The following TNRC6B variants were observed in gnomAD, a reference collection of about 807,000 sequenced individuals.
TNRC6B encodes the protein trinucleotide repeat containing adaptor 6B.
A neutral mutation model predicts 203.6 loss-of-function variants in TNRC6B; 52 were observed. The observed-to-expected ratio is 0.26, with a 90% CI of 0.20 to 0.32. The LOEUF is 0.32. Among genes scored for constraint, TNRC6B ranks in the 10% least tolerant of loss-of-function variants. The pLI is 1.00. For synonymous variants in TNRC6B, 838 were observed against 845.7 expected (o/e 0.99, Z 0.16); for missense variants, 1,923 against 2,286.2 (o/e 0.84, Z 3.24).
intron 1 of TNRC6B, among the ~76,000 whole-genome samples, chr22:40,097,580 T>C (rs2068195613): frequency 6.6e-6 from 1 of 151,718 alleles, no homozygotes; most frequent in South Asian, 2.1e-4. Context: ...AATTTACAGG[T>C]GTGAGCCACT....
chr22:40,171,264 C>T (rs951611142), intron 4 of TNRC6B, among the ~76,000 whole-genome samples: 16 of 149,698 alleles, frequency 1.1e-4, no homozygotes, highest in African/African-American at 1.7e-4. Context: ...CGGATTCAAG[C>T]GATTCTCCTG....
chr22:40,308,418 C>G, intron 15 of TNRC6B, 94 bp from the exon 16 acceptor site: 2 of 1,423,024 alleles, frequency 1.4e-6, no homozygotes, highest in Non-Finnish European at 2.0e-6. Flanking sequence ...GTGAATTAGT[C>G]TTTGAATGAC....
chr22:40,095,531 C>T (rs1314512471), intron 1 of TNRC6B, among the ~76,000 whole-genome samples: 1 of 152,058 alleles, frequency 6.6e-6, no homozygotes, highest in Non-Finnish European at 1.5e-5. Flanking sequence ...GGATTCCAGG[C>T]ATTTGCAAAA....
intron 2 of TNRC6B, among the ~76,000 whole-genome samples, chr22:40,246,964 C>T (rs142202603): frequency 4.6e-5 from 7 of 152,304 alleles, no homozygotes; most frequent in African/African-American, 1.4e-4. Flanking sequence ...AAAGGGCCAA[C>T]GGCTGTCACC....
chr22:40,167,339 A>C, intron 4 of TNRC6B, among the ~76,000 whole-genome samples: 1 of 152,168 alleles, frequency 6.6e-6, no homozygotes, highest in East Asian at 1.9e-4. Context: ...GACAGATACT[A>C]TTAATATATA....
chr22:40,238,734 C>A (rs1013436956), intron 1 of TNRC6B, among the ~76,000 whole-genome samples: 1 of 152,232 alleles, frequency 6.6e-6, no homozygotes, highest in African/African-American at 2.4e-5. Flanking sequence ...CTCTCTCCTT[C>A]TCTGTCAGGT....
intron 1 of TNRC6B, among the ~76,000 whole-genome samples, chr22:40,242,331 C>A (rs2146465607): frequency 6.6e-6 from 1 of 152,332 alleles, no homozygotes; most frequent in South Asian, 2.1e-4. Flanking sequence ...TAATTTAGAT[C>A]CAACCCCACA....
intron 1 of TNRC6B, among the ~76,000 whole-genome samples, chr22:40,057,917 C>T (rs943407571): frequency 1.3e-5 from 2 of 152,146 alleles, no homozygotes; most frequent in African/African-American, 4.8e-5. Flanking sequence ...TAAATAAAGA[C>T]TTTCCTGTTA....
intron 4 of TNRC6B, among the ~76,000 whole-genome samples, chr22:40,158,969 T>G (rs2068845245): frequency 1.3e-5 from 2 of 152,064 alleles, no homozygotes; most frequent in African/African-American, 4.8e-5. Context: ...ACTGAGTAAT[T>G]TTTTTGCGTG....
chr22:40,139,325 ATTTT>A (rs562172960), intron 3 of TNRC6B, among the ~76,000 whole-genome samples: 3 of 120,614 alleles, frequency 2.5e-5, no homozygotes, highest in Admixed American at 9.2e-5. Flanking sequence ...GGGTGTACGC[ATTTT>A]TTTTTTTTTT....
At chr22:40,273,699 C>T in intron 7 of TNRC6B, 99 bp downstream of exon 7, 1 of 1,344,176 alleles carries the variant, frequency 7.4e-7, no homozygotes, top group Non-Finnish European at 9.9e-7. Context: ...AGTTCTCCCT[C>T]TGTCACCCAG....
At chr22:40,128,965 A>T (rs2068518845) in intron 3 of TNRC6B, among the ~76,000 whole-genome samples, 1 of 152,178 alleles carries the variant, frequency 6.6e-6, no homozygotes, top group African/African-American at 2.4e-5. Context: ...AATGATGGTA[A>T]GTACTATGAA....
chr22:40,183,243 G>T (rs534718057), intron 1 of TNRC6B, among the ~76,000 whole-genome samples: 2 of 152,172 alleles, frequency 1.3e-5, no homozygotes, highest in Non-Finnish European at 2.9e-5. Context: ...TTGTTGCTTA[G>T]TAAGTGTTTC....
intron 3 of TNRC6B, among the ~76,000 whole-genome samples, chr22:40,145,180 A>G (rs1242704362): frequency 2.6e-5 from 4 of 152,088 alleles, no homozygotes; most frequent in African/African-American, 9.7e-5. Flanking sequence ...CGGGATGTCA[A>G]GGCTTCAGTG....
chr22:40,144,125 T>C (rs2068669997), intron 3 of TNRC6B, among the ~76,000 whole-genome samples: 1 of 152,194 alleles, frequency 6.6e-6, no homozygotes, highest in Non-Finnish European at 1.5e-5. Context: ...GGAAGGAGTG[T>C]AAAATGGTAC....
chr22:40,071,125 T>G (rs1354776361), intron 1 of TNRC6B, among the ~76,000 whole-genome samples: 1 of 152,122 alleles, frequency 6.6e-6, no homozygotes, highest in Non-Finnish European at 1.5e-5. Context: ...CCACTTTCCT[T>G]TTTTTTTCTG....
chr22:40,179,038 T>G (rs934876606), intron 1 of TNRC6B, among the ~76,000 whole-genome samples: 3 of 152,226 alleles, frequency 2.0e-5, no homozygotes, highest in African/African-American at 7.2e-5. Context: ...AAATTCATCG[T>G]GTGAGTGTGT....
At chr22:40,100,063 TTTTATTA>T (rs943502546) in intron 1 of TNRC6B, among the ~76,000 whole-genome samples, 7 of 92,526 alleles carry the variant, frequency 7.6e-5, no homozygotes, top group African/African-American at 3.4e-4. Flanking sequence ...TCCATTTTAT[TTTTATTA>T]TTTATTTATT....
At chr22:40,152,536 G>A (rs2068767958) in intron 3 of TNRC6B, among the ~76,000 whole-genome samples, 3 of 152,100 alleles carry the variant, frequency 2.0e-5, no homozygotes, top group South Asian at 2.1e-4. Context: ...CACCATGTTA[G>A]CCAGGATGGT....
Sources: allele counts gnomAD v4.1 joint callset (sites outside exome capture counted in the v4.1 genomes callset), GRCh38; gene constraint gnomAD v4.1.1; transcripts MANE v1.5; gene names NCBI Gene and HGNC (gene_info 2026-07-23, HGNC 2026-07-21).